Variants in GGTA1 observed in about 807,000 individuals in gnomAD.
The protein encoded by GGTA1 is glycoprotein alpha-galactosyltransferase 1 (inactive), also known as inactive N-acetyllactosaminide alpha-1,3-galactosyltransferase.
In GGTA1, 5 loss-of-function variants were observed where a neutral mutation model predicts 2.6. That is an observed-to-expected ratio of 1.92 (90% confidence interval 1.00 to 4.04). GGTA1 has a LOEUF of 4.04. Ranked by LOEUF, GGTA1 falls within the 30% of genes most tolerant of loss-of-function variation. GGTA1 has a pLI of 0.00. For missense variants in GGTA1, 50 were observed against 16.7 expected, an observed-to-expected ratio of 2.99 and a Z score of -3.47; for synonymous variants, 17 against 5.0, an observed-to-expected ratio of 3.38 and a Z score of -3.19.
At position 121,470,058 on chromosome 9, in the gene GGTA1, A is replaced by T. The variant is rs148771353; in HGVS notation, c.-9-2127T>A. On this transcript the variant is annotated intron_variant, in intron 1 of 5. Transcript: ENST00000481799. Reference sequence around the variant, plus strand: ...TTCCCATGTGGTCCCATGTGGTCCCATATGGTGTGCTATGCCTCCTGTCTT... The same window carrying T: ...TTCCCATGTGGTCCCATGTGGTCCCTTATGGTGTGCTATGCCTCCTGTCTT... Among the ~76,000 whole-genome samples, 5 of 152,286 alleles carry T rather than the reference A, an allele frequency of 3.3e-5. No homozygotes were observed. The East Asian group carries it at 9.7e-4, about 29-fold the overall frequency.
chr9:121,498,787 G>T (rs1316551874), intron 1 of GGTA1, among the ~76,000 whole-genome samples: 1 of 152,044 alleles, frequency 6.6e-6, no homozygotes, highest in African/African-American at 2.4e-5. Flanking sequence ...CACCCTCCGC[G>T]CCTCCCAGTC....
intron 1 of GGTA1, among the ~76,000 whole-genome samples, chr9:121,477,700 C>T (rs887297963): frequency 1.3e-4 from 20 of 151,598 alleles, no homozygotes; most frequent in South Asian, 6.3e-4. Flanking sequence ...CTCAGCCACC[C>T]GAGTAGCTGG....
intron 1 of GGTA1, among the ~76,000 whole-genome samples, chr9:121,470,644 T>C (rs766247519): frequency 1.3e-5 from 2 of 152,248 alleles, no homozygotes; most frequent in Non-Finnish European, 2.9e-5. Context: ...CCTAACCAAT[T>C]CCATCTTGCT....
chr9:121,458,907 C>T (rs2064936748), intron 5 of GGTA1, among the ~76,000 whole-genome samples: 1 of 152,170 alleles, frequency 6.6e-6, no homozygotes, highest in Non-Finnish European at 1.5e-5. Flanking sequence ...CCCATCTAGC[C>T]TGTCCCTGGC....
chr9:121,448,368 C>T (rs2064862101), intron 7 of GGTA1, among the ~76,000 whole-genome samples: 1 of 152,166 alleles, frequency 6.6e-6, no homozygotes, highest in African/African-American at 2.4e-5. Context: ...CTCTGTGATA[C>T]AGAGAATGAG....
rs79574958 is a variant in GGTA1, at chr9:121,493,138, G to GA, written c.-10+6511dup. Reference sequence around the variant, plus strand: ...GACGGAACGAGACTCTGTCTCCAAAGAAAAAAAAAAAAGGAACTGATTGCA... The same window carrying GA: ...GACGGAACGAGACTCTGTCTCCAAAGAAAAAAAAAAAAAGGAACTGATTGCA... On this transcript the variant is annotated intron_variant, in intron 1 of 5. Transcript: ENST00000481799. Among the ~76,000 whole-genome samples the GA allele has an allele frequency of 3.2e-3, 454 of 142,106 alleles. 2 individuals are homozygous for GA. The highest frequency in any genetic ancestry group is 5.2e-3 in the Non-Finnish European group (338 of 65,164). The allele number at this position is 142,106 out of a possible 152,430, so 93.2% of individuals were successfully genotyped here. A position where few individuals can be genotyped will look rare whatever the true frequency, so the allele number is the denominator to read the frequency against.
intron 1 of GGTA1, among the ~76,000 whole-genome samples, chr9:121,487,318 C>T (rs1167695197): frequency 6.6e-6 from 1 of 152,012 alleles, no homozygotes; most frequent in Non-Finnish European, 1.5e-5. Context: ...GTGACTCACA[C>T]CTTAATCCCA....
chr9:121,473,678 C>A (rs763021926), intron 1 of GGTA1, among the ~76,000 whole-genome samples: 22 of 152,234 alleles, frequency 1.4e-4, no homozygotes, highest in African/African-American at 1.9e-4. Context: ...GTAATCCCAG[C>A]ACTTTGGGAG....
chr9:121,458,706 C>T (rs974947789), intron 5 of GGTA1, among the ~76,000 whole-genome samples: 1 of 152,086 alleles, frequency 6.6e-6, no homozygotes, highest in Non-Finnish European at 1.5e-5. Flanking sequence ...CTGCTCCCTA[C>T]TCATTTGGAG....
At chr9:121,461,859 G>A (rs1351968687) in intron 3 of GGTA1, among the ~76,000 whole-genome samples, 1 of 152,222 alleles carries the variant, frequency 6.6e-6, no homozygotes, top group Non-Finnish European at 1.5e-5. Context: ...AAAACCAGCA[G>A]AATTCAGATT....
At chr9:121,470,872 T>C (rs994483253) in intron 1 of GGTA1, among the ~76,000 whole-genome samples, 3 of 152,250 alleles carry the variant, frequency 2.0e-5, no homozygotes, top group Admixed American at 1.3e-4. Flanking sequence ...GGAGACTGAT[T>C]TGAGTAATAA....
intron 1 of GGTA1, among the ~76,000 whole-genome samples, chr9:121,478,739 A>G (rs1311403819): frequency 6.6e-6 from 1 of 152,230 alleles, no homozygotes; most frequent in East Asian, 1.9e-4. Context: ...CTCAAATGGA[A>G]CGACCTGTTC....
chr9:121,472,392 C>T lies in GGTA1; in HGVS notation c.-9-4461G>A, dbSNP rs74812500. Among the ~76,000 whole-genome samples the T allele has an allele frequency of 8.4e-3, 1,279 of 151,506 alleles. 19 individuals are homozygous for T. The highest frequency in any genetic ancestry group is 0.029 in the African/African-American group (1,211 of 41,206). On this transcript the variant is annotated intron_variant, in intron 1 of 5. Transcript: ENST00000481799. ...AAATATTTAGCACTGTGCCTGGCATCGTATAAATGCAGAAGAAAAAAAAAA... is the reference window on the plus strand; with the variant it reads ...AAATATTTAGCACTGTGCCTGGCATTGTATAAATGCAGAAGAAAAAAAAAA...
At chr9:121,498,374 C>G (rs1345663876) in intron 1 of GGTA1, among the ~76,000 whole-genome samples, 1 of 152,142 alleles carries the variant, frequency 6.6e-6, no homozygotes, top group Non-Finnish European at 1.5e-5. Context: ...CAAAATTCAC[C>G]CAGATGTAAC....
chr9:121,467,200 G>A (rs949520855), intron 2 of GGTA1, among the ~76,000 whole-genome samples: 1 of 152,264 alleles, frequency 6.6e-6, no homozygotes, highest in African/African-American at 2.4e-5. Context: ...CTCTCCAGCT[G>A]GAATGGCCAG....
chr9:121,478,326 G>C (rs532368446), intron 1 of GGTA1, among the ~76,000 whole-genome samples: 1 of 152,324 alleles, frequency 6.6e-6, no homozygotes, highest in African/African-American at 2.4e-5. Flanking sequence ...CTCACTCACA[G>C]CATCTTGTTT....
chr9:121,499,349 AC>A (rs979091405), intron 1 of GGTA1, among the ~76,000 whole-genome samples: 188 of 149,338 alleles, frequency 1.3e-3, no homozygotes, highest in African/African-American at 4.5e-3. Context: ...CTCTTCCCCC[AC>A]CCCAACCCCG....
chr9:121,481,426 C>A (rs1589335874), intron 1 of GGTA1, among the ~76,000 whole-genome samples: 1 of 152,110 alleles, frequency 6.6e-6, no homozygotes, highest in East Asian at 1.9e-4. Flanking sequence ...GTGGCTCATG[C>A]CTGTAATCCC....
chr9:121,452,982 C>A (rs77971118), downstream of GGTA1, among the ~76,000 whole-genome samples: 746 of 152,270 alleles, frequency 4.9e-3, 3 homozygotes, highest in South Asian at 0.037. Context: ...GTTATTTATC[C>A]CTGTGGATGT....
Sources: allele counts gnomAD v4.1 joint callset (sites outside exome capture counted in the v4.1 genomes callset), GRCh38; gene constraint gnomAD v4.1.1; transcripts MANE v1.5; gene names NCBI Gene and HGNC (gene_info 2026-07-23, HGNC 2026-07-21).